SPOCK3: variants seen among roughly 807,000 people sequenced by gnomAD.
SPOCK3 encodes the protein testican-3.
A neutral mutation model predicts 56.6 loss-of-function variants in SPOCK3; 30 were observed. The ratio of observed to expected loss-of-function variants is 0.53; its 90% confidence interval spans 0.40 to 0.72. SPOCK3 has a LOEUF of 0.72. Among genes scored for constraint, SPOCK3 ranks in the 30% least tolerant of loss-of-function variants. The probability of loss-of-function intolerance (pLI) is 0.00; values close to 1 mark genes in which losing one functional copy is unlikely to be tolerated. For missense variants in SPOCK3, 527 were observed against 530.0 expected, an observed-to-expected ratio of 0.99 and a Z score of 0.06; for synonymous variants, 196 against 183.3, an observed-to-expected ratio of 1.07 and a Z score of -0.56.
intron 3 of SPOCK3, among the ~76,000 whole-genome samples, chr4:167,060,068 G>T (rs1411138432): frequency 6.6e-6 from 1 of 151,746 alleles, no homozygotes; most frequent in East Asian, 1.9e-4. Context: ...GAGTTAATGG[G>T]TGCAGCACAC....
At chr4:166,984,079 G>T (rs1417600181) in intron 4 of SPOCK3, among the ~76,000 whole-genome samples, 1 of 151,958 alleles carries the variant, frequency 6.6e-6, no homozygotes, top group Non-Finnish European at 1.5e-5. Context: ...TCATTCTTTA[G>T]ACCATTATGT....
intron 2 of SPOCK3, among the ~76,000 whole-genome samples, chr4:167,146,300 G>T (rs1763951642): frequency 6.6e-6 from 1 of 152,126 alleles, no homozygotes; most frequent in Non-Finnish European, 1.5e-5. Flanking sequence ...TGAGAACGCA[G>T]ATTCATAAAG....
intron 3 of SPOCK3, among the ~76,000 whole-genome samples, chr4:167,039,206 A>G (rs1393751569): frequency 6.6e-6 from 1 of 152,072 alleles, no homozygotes; most frequent in Non-Finnish European, 1.5e-5. Flanking sequence ...TTGTGTGTCT[A>G]TCTGTCTTTT....
chr4:166,840,838 G>T (rs945244985), intron 6 of SPOCK3, among the ~76,000 whole-genome samples: 1 of 142,012 alleles, frequency 7.0e-6, no homozygotes, highest in African/African-American at 2.7e-5. Context: ...GAGTGCAGTG[G>T]CGCAATCTCG....
chr4:167,163,590 C>T (rs1765508806), intron 2 of SPOCK3, among the ~76,000 whole-genome samples: 1 of 152,032 alleles, frequency 6.6e-6, no homozygotes, highest in South Asian at 2.1e-4. Context: ...CCCCACTACC[C>T]TTCCCAACCT....
intron 4 of SPOCK3, among the ~76,000 whole-genome samples, chr4:166,953,884 A>G (rs886819753): frequency 6.6e-6 from 1 of 152,154 alleles, no homozygotes; most frequent in Non-Finnish European, 1.5e-5. Context: ...GAATTGAACA[A>G]TGAGAACACA....
chr4:166,838,901 G>T (rs935254180), intron 6 of SPOCK3, among the ~76,000 whole-genome samples: 3 of 150,948 alleles, frequency 2.0e-5, no homozygotes, highest in Non-Finnish European at 4.4e-5. Context: ...GGCGGAGGTT[G>T]CAGTGAGCCG....
At chr4:167,028,773 C>A (rs1053104472) in intron 3 of SPOCK3, among the ~76,000 whole-genome samples, 5 of 152,000 alleles carry the variant, frequency 3.3e-5, no homozygotes, top group African/African-American at 1.2e-4. Flanking sequence ...ACAGTTTCTG[C>A]CATGAACACT....
At chr4:166,970,301 G>T (rs964668513) in intron 4 of SPOCK3, among the ~76,000 whole-genome samples, 1 of 152,106 alleles carries the variant, frequency 6.6e-6, no homozygotes, top group South Asian at 2.1e-4. Flanking sequence ...TACCTATAAT[G>T]TTCAGATTTG....
chr4:167,075,576 GA>G (rs1456453424), intron 2 of SPOCK3, among the ~76,000 whole-genome samples: 1 of 151,966 alleles, frequency 6.6e-6, no homozygotes, highest in Non-Finnish European at 1.5e-5. Flanking sequence ...TGATAGCTGG[GA>G]AAAGTACACT....
chr4:166,771,705 T>C (rs1250176624), intron 7 of SPOCK3, among the ~76,000 whole-genome samples: 2 of 152,118 alleles, frequency 1.3e-5, no homozygotes, highest in South Asian at 4.1e-4. Context: ...TATTGATATA[T>C]GAATTGTGGA....
In SPOCK3 at chr4:167,000,372, A is replaced by C. The variant is rs2150127551; in HGVS notation, c.327T>G (p.Ile109Met). Reference sequence around the variant, plus strand: ...ACCTGTGTGTAAGCCTCCGGTGACTAATGCAGACTGCAGTCTGAGAATCTT... The same window carrying C: ...ACCTGTGTGTAAGCCTCCGGTGACTCATGCAGACTGCAGTCTGAGAATCTT... ...IAQDSQTAVC[I>M]SHRRLTHRMK... Residue 109 changes from isoleucine to methionine, a missense_variant, in exon 4 of 11, where the codon ATT (isoleucine) becomes ATG (methionine). Coordinates refer to ENST00000357545, the MANE Select transcript of SPOCK3 (RefSeq NM_001040159.2). The C allele has an allele frequency of 6.3e-7, 1 of 1,588,882 alleles. No homozygotes were observed. The highest frequency in any genetic ancestry group is 2.3e-5 in the East Asian group (1 of 44,364).
At chr4:166,901,870 T>C (rs1247723157) in intron 5 of SPOCK3, among the ~76,000 whole-genome samples, 2 of 152,144 alleles carry the variant, frequency 1.3e-5, no homozygotes, top group African/African-American at 4.8e-5. Flanking sequence ...CCCTTGATGA[T>C]ATCCTTAATT....
intron 7 of SPOCK3, among the ~76,000 whole-genome samples, chr4:166,785,528 A>C (rs918449102): frequency 3.3e-5 from 5 of 152,136 alleles, no homozygotes; most frequent in Non-Finnish European, 5.9e-5. Flanking sequence ...TTAAGAGTTA[A>C]GTATAATTAC....
chr4:166,949,341 G>A (rs571016048), intron 4 of SPOCK3, among the ~76,000 whole-genome samples: 32 of 152,266 alleles, frequency 2.1e-4, no homozygotes, highest in African/African-American at 6.3e-4. Flanking sequence ...CTCTCAACTC[G>A]TCAAAGTCAT....
chr4:167,125,227 A>T (rs543399827), intron 2 of SPOCK3, among the ~76,000 whole-genome samples: 33 of 143,040 alleles, frequency 2.3e-4, no homozygotes, highest in Non-Finnish European at 1.8e-4. Flanking sequence ...TTATTTATTT[A>T]TTTTTATTTA....
intron 7 of SPOCK3, among the ~76,000 whole-genome samples, chr4:166,767,707 G>T (rs959874244): frequency 6.6e-6 from 1 of 152,154 alleles, no homozygotes; most frequent in African/African-American, 2.4e-5. Flanking sequence ...TATTAGGTCG[G>T]CTTGGTGCAG....
intron 4 of SPOCK3, among the ~76,000 whole-genome samples, chr4:166,929,787 C>T (rs932514325): frequency 1.1e-4 from 16 of 152,166 alleles, no homozygotes; most frequent in African/African-American, 3.4e-4. Context: ...TTCCCCACAC[C>T]CTACTTAGCT....
chr4:167,136,095 C>A (rs190251161), intron 2 of SPOCK3, among the ~76,000 whole-genome samples: 6 of 152,130 alleles, frequency 3.9e-5, no homozygotes, highest in African/African-American at 1.4e-4. Context: ...ACAAGCAGTG[C>A]CAGCATCACC....
Sources: gnomAD v4.1 joint callset for allele counts (sites outside exome capture counted in the v4.1 genomes callset) on GRCh38, gnomAD v4.1.1 for gene constraint, MANE v1.5 for transcripts, NCBI Gene and HGNC (gene_info 2026-07-23, HGNC 2026-07-21) for gene names.